Variants in ANKMY1 observed in about 807,000 individuals in gnomAD.
The protein encoded by ANKMY1 is ankyrin repeat and MYND domain containing 1.
ANKMY1 carries 98 observed loss-of-function variants against 102.0 expected under a neutral mutation model. That is an observed-to-expected ratio of 0.96 (90% CI 0.82 to 1.14). The LOEUF (loss-of-function observed/expected upper bound fraction) is 1.14. Ranked by LOEUF, ANKMY1 falls within the 50% of genes most tolerant of loss-of-function variation. The probability of loss-of-function intolerance (pLI) is 0.00; values close to 1 mark genes in which losing one functional copy is unlikely to be tolerated. For missense variants in ANKMY1, 1,330 were observed against 1,347.6 expected (o/e 0.99, Z 0.20); for synonymous variants, 582 against 559.9 (o/e 1.04, Z -0.56).
chr2:240,524,179 A>G lies in ANKMY1; in HGVS notation c.1538T>C (p.Ile513Thr), dbSNP rs773304624. Reference protein sequence around the residue: ...FQDTGQCGGSIDHRSSSLKGD... With the variant: ...FQDTGQCGGSTDHRSSSLKGD... The stretch of plus-strand genomic sequence containing the variant: ...CTTCAGAGAGCTGCTCCTGTGGTCT[A>G]TGGACCCCCCACACTGCCCGGTGTC... Residue 513 changes from isoleucine to threonine, a missense_variant, in exon 8 of 18, where the codon ATA (isoleucine) becomes ACA (threonine). Ile to Thr is a moderately conservative substitution (Grantham distance 89). Transcript: ENST00000401804. The G allele has an allele frequency of 3.1e-6, 5 of 1,613,878 alleles. No individual in the cohort carries two copies. The highest frequency in any genetic ancestry group is 3.4e-6 in the Non-Finnish European group (4 of 1,180,000).
At chr2:240,517,373 C>A (rs1301513720) in intron 9 of ANKMY1, among the ~76,000 whole-genome samples, 2 of 152,168 alleles carry the variant, frequency 1.3e-5, no homozygotes, top group African/African-American at 4.8e-5. Flanking sequence ...GTTTTGGGAC[C>A]TTGAGAAGAC....
chr2:240,499,967 A>G lies in ANKMY1; in HGVS notation c.2797T>C (p.Cys933Arg). The G allele has an allele frequency of 6.2e-7, 1 of 1,612,356 alleles. No homozygotes were observed. Among genetic ancestry groups the G allele is most frequent in the Non-Finnish European group, 8.5e-7 (1 of 1,179,466 alleles). The change falls in exon 15 of 18, where the codon TGC becomes CGC. Residue 933 changes from cysteine (C) to arginine (R), a missense_variant. Physicochemically the swap from Cys to Arg is radical, Grantham distance 180. Coordinates refer to ENST00000401804, the MANE Select transcript of ANKMY1 (RefSeq NM_001282771.3). This position sits in a 1 kb window ranked among gnomAD's most constrained non-coding sequence, Gnocchi z 4.2. ...SQWDPTWLYL[C>R]KRAELIPSHR... ...AGGGCCCACTGCTCACCTCTCTTGC[A>G]CAGGTACAGCCACGTGGGGTCCCAC...
chr2:240,492,540 A>G (rs1028894010), intron 15 of ANKMY1, among the ~76,000 whole-genome samples: 1 of 152,074 alleles, frequency 6.6e-6, no homozygotes, highest in African/African-American at 2.4e-5. Context: ...CCTTCCATGA[A>G]TTCTTCAGTT....
At position 240,523,933 on chromosome 2, in the gene ANKMY1, C is replaced by G; in HGVS notation, c.1784G>C (p.Ser595Thr). 2 of 1,613,772 alleles carry G rather than the reference C, an allele frequency of 1.2e-6. No homozygotes were observed. The highest frequency in any genetic ancestry group is 2.2e-5 in the South Asian group (2 of 91,088). ...LKMASPSPCT[S>T]SFDKGTMRRM... is the part of the protein sequence containing the mutation. ...CCGCATGGTCCCTTTGTCGAAGCTG[C>G]TGGTGCACGGTGAGGGCGAGGCCAT... Residue 595 changes from serine (S) to threonine (T), a missense_variant, in exon 8 of 18, where the codon AGC becomes ACC. Transcript: ENST00000401804.
At position 240,557,269 on chromosome 2, in the gene ANKMY1, G is replaced by A. The variant is rs1216328652; in HGVS notation, c.67C>T (p.Pro23Ser). ...GTCTCGCCGCCCTTCCCCTCTAGCG[G>A]GCGTTGGCGGCTGCCAGCCCCAGAG... Reference protein sequence around the residue: ...EVSGAGSRQRPLEGKGGETPA... With the variant: ...EVSGAGSRQRSLEGKGGETPA... The change falls in exon 2 of 18, where the codon CCG (proline) becomes TCG (serine). Residue 23 changes from proline to serine, a missense_variant. Pro to Ser is a moderately conservative substitution (Grantham distance 74, BLOSUM62 -1). Transcript: ENST00000401804. 6.3e-7 allele frequency: 1 copy of A among 1,594,428 alleles called. No individual in the cohort carries two copies. The highest frequency in any genetic ancestry group is 8.5e-7 in the Non-Finnish European group (1 of 1,169,824).
At chr2:240,521,252 A>G (rs1465498111) in intron 8 of ANKMY1, among the ~76,000 whole-genome samples, 2 of 152,106 alleles carry the variant, frequency 1.3e-5, no homozygotes, top group Admixed American at 6.6e-5. Flanking sequence ...AGCCGCGGGA[A>G]CTAGATCGTC....
chr2:240,548,322 G>A (rs909508565), intron 4 of ANKMY1, among the ~76,000 whole-genome samples: 31 of 152,040 alleles, frequency 2.0e-4, no homozygotes, highest in Admixed American at 9.2e-4. Context: ...AACACTTCAC[G>A]CTAAAAACTC....
chr2:240,539,276 G>T (rs1422552458), intron 4 of ANKMY1, among the ~76,000 whole-genome samples: 3 of 151,496 alleles, frequency 2.0e-5, no homozygotes, highest in African/African-American at 4.9e-5. Context: ...CAAACCCACT[G>T]GGAGGAACGA....
upstream of ANKMY1, chr2:240,560,745 C>T (rs774435192): frequency 7.3e-6 from 11 of 1,510,216 alleles, no homozygotes; most frequent in African/African-American, 1.4e-5. Flanking sequence ...ACCGTTGGTG[C>T]GCGTCGCGCC....
chr2:240,532,074 A>G (rs1324229442), intron 4 of ANKMY1: 2 of 468,978 alleles, frequency 4.3e-6, no homozygotes, highest in East Asian at 7.0e-5. Flanking sequence ...GGCACAGGCA[A>G]TATTTGAAGA....
chr2:240,521,289 G>A (rs1461703249), intron 8 of ANKMY1, among the ~76,000 whole-genome samples: 9 of 152,110 alleles, frequency 5.9e-5, no homozygotes, highest in Admixed American at 2.6e-4. Context: ...GCAGCCTCCA[G>A]CCCAGTCTCC....
chr2:240,509,353 C>T lies in ANKMY1; in HGVS notation c.2389G>A (p.Glu797Lys). The T allele has an allele frequency of 1.2e-6, 2 of 1,612,692 alleles. No individual in the cohort carries two copies. The highest frequency in any genetic ancestry group is 1.7e-6 in the Non-Finnish European group (2 of 1,179,122). The change falls in exon 12 of 18, where the codon GAG (glutamate) becomes AAG (lysine). Residue 797 changes from glutamate to lysine, a missense_variant. Coordinates refer to ENST00000401804, the MANE Select transcript of ANKMY1 (RefSeq NM_001282771.3). Reference sequence around the variant, plus strand: ...TGGGTACAGAACATGCTCACCAGCTCATTCCCACTGGCAATGGACAGGGAG... The same window carrying T: ...TGGGTACAGAACATGCTCACCAGCTTATTCCCACTGGCAATGGACAGGGAG... ...PLSLSIASGN[E>K]LVVKELLTQG...
the ANKMY1 span, among the ~76,000 whole-genome samples, chr2:240,469,548 G>C: frequency 6.6e-6 from 1 of 152,240 alleles, no homozygotes; most frequent in African/African-American, 2.4e-5. Context: ...CCCAGCCGTG[G>C]TGGGTGGCCC....
intron 7 of ANKMY1, 72 bp from the exon 8 acceptor site, chr2:240,524,453 CA>C (rs1172787987): frequency 6.6e-7 from 1 of 1,505,318 alleles, no homozygotes; most frequent in Non-Finnish European, 8.9e-7. Flanking sequence ...CCTTCTTCAG[CA>C]AGGACCAATG....
rs200634969 is a variant in ANKMY1, at chr2:240,525,686, T to C, written c.1334A>G (p.Gln445Arg). ...NVAERTIPEP[Q>R]EPPKFPVVPI... ...TGCAGTGGCCACCGGGGGGCTTACC[T>C]GGGGCTCAGGTATGGTCCGTTCAGC... Residue 445 changes from glutamine to arginine, a missense_variant and splice_region_variant, in exon 7 of 18, where the codon CAG (glutamine) becomes CGG (arginine). By Grantham distance (43) the Gln-to-Arg change is conservative. Coordinates refer to ENST00000401804, the MANE Select transcript of ANKMY1 (RefSeq NM_001282771.3). The C allele has an allele frequency of 3.1e-4, 505 of 1,613,742 alleles. 3 individuals carry two copies. Among genetic ancestry groups the C allele is most frequent in the Non-Finnish European group, 2.5e-5 (29 of 1,179,802 alleles).
chr2:240,480,165 C>T (rs2075194787), intron 17 of ANKMY1, among the ~76,000 whole-genome samples: 1 of 152,212 alleles, frequency 6.6e-6, no homozygotes, highest in South Asian at 2.1e-4. Context: ...GCACTCCAGA[C>T]TTGGCGACAG....
rs1241438986 is a variant in ANKMY1 at position 240,520,441 on chromosome 2, G to A, written c.1925C>T (p.Ala642Val). The change falls in exon 9 of 18, where the codon GCT becomes GTT. Residue 642 changes from alanine (A) to valine (V), a missense_variant. By Grantham distance (64) the Ala-to-Val change is moderately conservative (BLOSUM62 0). Transcript: ENST00000401804. This position sits in a 1 kb window ranked among gnomAD's most constrained non-coding sequence, Gnocchi z 4.8. ...CCCATCCACGTCCCCGGCCTTCACAGCAAGGAACAGGACCTGCATGGGCAC... is the reference window on the plus strand; with the variant it reads ...CCCATCCACGTCCCCGGCCTTCACAACAAGGAACAGGACCTGCATGGGCAC... ...CCVPMQVLFL[A>V]VKAGDVDGVR... The A allele has an allele frequency of 6.2e-7, 1 of 1,612,996 alleles. No homozygotes were observed. Among genetic ancestry groups the A allele is most frequent in the East Asian group, 2.2e-5 (1 of 44,862 alleles).
intron 6 of ANKMY1, 52 bp from the exon 7 acceptor site, chr2:240,525,901 G>A: frequency 6.3e-7 from 1 of 1,592,340 alleles, no homozygotes; most frequent in Non-Finnish European, 8.6e-7. Context: ...CCTCAGGGGT[G>A]GGAAGGGTCA....
rs569970602 is a variant in ANKMY1, at chr2:240,526,314, T to C, written c.1085A>G (p.Glu362Gly). 6.2e-7 allele frequency: 1 copy of C among 1,614,214 alleles called. No homozygotes were observed. The highest frequency in any genetic ancestry group is 1.6e-4 in the Middle Eastern group (1 of 6,062). Residue 362 changes from glutamate (E) to glycine (G), a missense_variant, in exon 6 of 18, where the codon GAA (glutamate) becomes GGA (glycine). Physicochemically the swap from Glu to Gly is moderately conservative, Grantham distance 98. Coordinates refer to ENST00000401804, the MANE Select transcript of ANKMY1 (RefSeq NM_001282771.3). ...GTCCTTCAGGATCCTACAAATCCAT[T>C]CGTGGTTCCCTTCCTCAGCCTTTAG... The part of the protein sequence containing the change: ...MILKAEEGNH[E>G]WICRILKDNF...
Sources: allele counts gnomAD v4.1 joint callset (sites outside exome capture counted in the v4.1 genomes callset), GRCh38; gene constraint gnomAD v4.1.1; non-coding constraint Gnocchi (gnomAD v3.1); transcripts MANE v1.5; gene names NCBI Gene and HGNC (gene_info 2026-07-23, HGNC 2026-07-21).